The following MRAS variants were observed in gnomAD, a reference collection of about 807,000 sequenced individuals.
MRAS encodes ras-related protein M-Ras.
Under a neutral mutation model 20.9 loss-of-function variants are expected in MRAS, and 4 were observed. The observed-to-expected ratio is 0.19, with a 90% CI of 0.09 to 0.44. The LOEUF is 0.44. Ranked by LOEUF, MRAS falls within the 20% of genes least tolerant of loss-of-function variation. MRAS has a pLI of 0.99. For missense variants in MRAS, 154 were observed against 277.5 expected, an observed-to-expected ratio of 0.56 and a Z score of 3.16; for synonymous variants, 98 against 102.9, an observed-to-expected ratio of 0.95 and a Z score of 0.29.
At chr3:138,389,319 G>A (rs192339455) in intron 2 of MRAS, among the ~76,000 whole-genome samples, 2 of 151,886 alleles carry the variant, frequency 1.3e-5, no homozygotes, top group East Asian at 3.9e-4. Context: ...TGAAAGCCAG[G>A]CTCCCACATT....
Position 138,397,335 on chromosome 3 carries a change from G to A in MRAS, c.205G>A (p.Ala69Thr). ...QWAILDVLDTAGQEEFSAMRE... is the reference protein window; with the variant it reads ...QWAILDVLDTTGQEEFSAMRE... ...TCATCCCACCCCAGTTCTGGACACAGCTGGGCAGGAGGAATTCAGCGCCAT... is the reference window on the plus strand; with the variant it reads ...TCATCCCACCCCAGTTCTGGACACAACTGGGCAGGAGGAATTCAGCGCCAT... The change falls in exon 3 of 6, where the codon GCT becomes ACT. Residue 69 changes from alanine to threonine, a missense_variant. By Grantham distance (58) the Ala-to-Thr change is moderately conservative (BLOSUM62 0). Around this residue, in one of 3 missense-constraint regions of MRAS, gnomAD observed 125 missense variants for 213.5 expected, o/e 0.59. Transcript: ENST00000423968. The A allele has an allele frequency of 1.2e-6, 2 of 1,614,066 alleles. No homozygotes were observed. The highest frequency in any genetic ancestry group is 1.7e-6 in the Non-Finnish European group (2 of 1,179,954).
At chr3:138,351,664 C>G (rs191792857) in intron 1 of MRAS, among the ~76,000 whole-genome samples, 2 of 152,300 alleles carry the variant, frequency 1.3e-5, no homozygotes, top group Admixed American at 6.5e-5. Flanking sequence ...AAGCAGAGCT[C>G]AGATCTCCCA....
At chr3:138,400,871 G>A (rs535509894) in intron 5 of MRAS, among the ~76,000 whole-genome samples, 1 of 152,308 alleles carries the variant, frequency 6.6e-6, no homozygotes, top group South Asian at 2.1e-4. Context: ...CCTGTCTGAT[G>A]CAGTGGCTCA....
At chr3:138,391,100 A>G (rs1345359151) in intron 2 of MRAS, among the ~76,000 whole-genome samples, 1 of 152,136 alleles carries the variant, frequency 6.6e-6, no homozygotes, top group African/African-American at 2.4e-5. Context: ...GATATCAGCT[A>G]CTTTCCCCTC....
chr3:138,369,840 T>C (rs1165432976), intron 1 of MRAS, among the ~76,000 whole-genome samples: 1 of 152,236 alleles, frequency 6.6e-6, no homozygotes, highest in African/African-American at 2.4e-5. Context: ...GTGATTTGGC[T>C]GTGGGTGGTC....
chr3:138,349,898 C>G (rs1205939921), intron 1 of MRAS: 1 of 152,194 alleles, frequency 6.6e-6, no homozygotes, highest in Non-Finnish European at 1.5e-5. Flanking sequence ...TGACAAGACA[C>G]CTCCAGAAGG....
chr3:138,358,904 C>T (rs1399744991), intron 1 of MRAS, among the ~76,000 whole-genome samples: 2 of 152,202 alleles, frequency 1.3e-5, no homozygotes, highest in Admixed American at 1.3e-4. Context: ...CCATCCCTGG[C>T]CACAGGGCCC....
chr3:138,351,430 A>G (rs552731867), intron 1 of MRAS, among the ~76,000 whole-genome samples: 14 of 152,274 alleles, frequency 9.2e-5, no homozygotes, highest in Admixed American at 5.2e-4. Flanking sequence ...GAGACAGGTA[A>G]AAAAGGAGCT....
Position 138,404,854 on chromosome 3 carries a change from C to A in MRAS, c.*2585C>A, listed in dbSNP as rs1281708094. ...CGCCACACCATGACCGAGGAGCCAA[C>A]TGGGACTTCTGGCTGTTTGACATCC... On this transcript the variant is annotated 3_prime_UTR_variant, in exon 6 of 6. Transcript: ENST00000423968. The A allele has an allele frequency of 6.6e-6, 1 of 152,204 alleles. No homozygotes were observed. Among genetic ancestry groups the A allele is most frequent in the Admixed American group, 6.5e-5 (1 of 15,282 alleles). The allele number at this position is 152,204 out of a possible 1,614,324, so 9.4% of individuals were successfully genotyped here.
chr3:138,356,914 C>T (rs1288815142), intron 1 of MRAS, among the ~76,000 whole-genome samples: 1 of 152,200 alleles, frequency 6.6e-6, no homozygotes, highest in East Asian at 1.9e-4. Flanking sequence ...GTCCCACCCA[C>T]CGCAGTGGAC....
chr3:138,353,870 A>C (rs375714940), intron 1 of MRAS, among the ~76,000 whole-genome samples: 2 of 152,336 alleles, frequency 1.3e-5, no homozygotes, highest in East Asian at 1.9e-4. Flanking sequence ...TGCAGTCATA[A>C]CCTGAGAGAA....
intron 1 of MRAS, among the ~76,000 whole-genome samples, chr3:138,357,241 C>T (rs2054354689): frequency 6.6e-6 from 1 of 152,162 alleles, no homozygotes; most frequent in African/African-American, 2.4e-5. Flanking sequence ...CAAGCGGGGC[C>T]TCTGGCAGTG....
chr3:138,361,027 A>C (rs573529609), intron 1 of MRAS, among the ~76,000 whole-genome samples: 10 of 152,340 alleles, frequency 6.6e-5, no homozygotes, highest in African/African-American at 2.4e-4. Flanking sequence ...CTCTTGGTGA[A>C]GCGTCTTGAG....
intron 2 of MRAS, among the ~76,000 whole-genome samples, chr3:138,377,085 G>T (rs143219295): frequency 7.5e-4 from 115 of 152,324 alleles, no homozygotes; most frequent in African/African-American, 2.5e-3. Context: ...CAGGGAGAGG[G>T]GAAACATGGC....
upstream of MRAS, chr3:138,347,768 T>TTTTTAG (rs577333537): frequency 3.9e-5 from 6 of 152,128 alleles, no homozygotes; most frequent in Non-Finnish European, 8.8e-5. Context: ...GACTTTTGTA[T>TTTTTAG]TTTTAGTAGA....
chr3:138,379,837 T>G (rs747138539), intron 2 of MRAS, among the ~76,000 whole-genome samples: 11 of 151,616 alleles, frequency 7.3e-5, no homozygotes, highest in Non-Finnish European at 1.5e-4. Context: ...CCTTTGAGTG[T>G]ATACTCAGCA....
rs1319919971 is a variant in MRAS at position 138,402,364 on chromosome 3, C to T, written c.*95C>T. Reference sequence around the variant, plus strand: ...ACTGAAACCATTTCTAACCACAACCCTTGGCCCAAGGACTTGGTACAGGAA... The same window carrying T: ...ACTGAAACCATTTCTAACCACAACCTTTGGCCCAAGGACTTGGTACAGGAA... On this transcript the variant is annotated 3_prime_UTR_variant, in exon 6 of 6. Coordinates refer to ENST00000423968, the MANE Select transcript of MRAS (RefSeq NM_001085049.3). 2 of 1,095,956 alleles carry T rather than the reference C, an allele frequency of 1.8e-6. No homozygotes were observed. The highest frequency in any genetic ancestry group is 2.7e-6 in the Non-Finnish European group (2 of 743,460). The allele number at this position is 1,095,956 out of a possible 1,614,324, so 67.9% of individuals were successfully genotyped here. A position where few individuals can be genotyped will look rare whatever the true frequency, so the allele number is the denominator to read the frequency against.
chr3:138,402,283 C>T lies in MRAS; in HGVS notation c.*14C>T, dbSNP rs2055376635. ...GTGATCTTGTGACAGGCCTGAGGCC[C>T]TGGGCACAGTGACGGTGGCCTGGCC... On this transcript the variant is annotated 3_prime_UTR_variant, in exon 6 of 6. Transcript: ENST00000423968. The T allele has an allele frequency of 6.2e-7, 1 of 1,611,490 alleles. No homozygotes were observed. Among genetic ancestry groups the T allele is most frequent in the African/African-American group, 1.3e-5 (1 of 74,994 alleles).
chr3:138,385,502 A>T (rs893801455), intron 2 of MRAS, among the ~76,000 whole-genome samples: 31 of 149,636 alleles, frequency 2.1e-4, no homozygotes, highest in African/African-American at 2.4e-4. Context: ...TAAAATATAT[A>T]TATTTATTTA....
Sources: allele counts gnomAD v4.1 joint callset (sites outside exome capture counted in the v4.1 genomes callset), GRCh38; gene constraint gnomAD v4.1.1; regional missense constraint gnomAD v4.1.1; transcripts MANE v1.5; gene names NCBI Gene and HGNC (gene_info 2026-07-23, HGNC 2026-07-21).